Variants in SLC4A10 observed in about 807,000 individuals in gnomAD.
SLC4A10 encodes the protein solute carrier family 4 member 10.
A neutral mutation model predicts 137.7 loss-of-function variants in SLC4A10; 42 were observed. That is an observed-to-expected ratio of 0.30 (90% confidence interval 0.24 to 0.39). The LOEUF is 0.39. SLC4A10 is among the 10% of genes least tolerant of loss of function. SLC4A10 has a pLI of 1.00. For missense variants in SLC4A10, 925 were observed against 1,355.0 expected (o/e 0.68, Z 4.98); for synonymous variants, 474 against 464.1 (o/e 1.02, Z -0.27).
intron 3 of SLC4A10, 53 bp downstream of exon 3, chr2:161,804,648 T>G: frequency 6.7e-7 from 1 of 1,495,270 alleles, no homozygotes; most frequent in Non-Finnish European, 9.0e-7. Flanking sequence ...ATATACTTGC[T>G]TATACAATTA....
intron 15 of SLC4A10, among the ~76,000 whole-genome samples, chr2:161,939,326 C>G (rs1413660030): frequency 6.6e-6 from 1 of 152,116 alleles, no homozygotes; most frequent in African/African-American, 2.4e-5. Flanking sequence ...CTGCCTGCCT[C>G]TGCCTCCCAA....
intron 2 of SLC4A10, among the ~76,000 whole-genome samples, chr2:161,775,263 A>G (rs534790235): frequency 1.3e-5 from 2 of 152,026 alleles, no homozygotes; most frequent in East Asian, 3.9e-4. Flanking sequence ...ACATGGCCTC[A>G]GGAACATGGT....
At chr2:161,917,029 C>T (rs140534079) in intron 15 of SLC4A10, among the ~76,000 whole-genome samples, 34 of 152,226 alleles carry the variant, frequency 2.2e-4, no homozygotes, top group African/African-American at 7.9e-4. Flanking sequence ...CCTTGTGCTC[C>T]TTTGCAGTCA....
chr2:161,891,652 A>G (rs946406828), intron 10 of SLC4A10, among the ~76,000 whole-genome samples: 4 of 151,864 alleles, frequency 2.6e-5, no homozygotes, highest in African/African-American at 9.7e-5. Context: ...CCATCAGGTC[A>G]TTTATATTCT....
chr2:161,934,884 G>A (rs773090495), intron 15 of SLC4A10, among the ~76,000 whole-genome samples: 3 of 151,610 alleles, frequency 2.0e-5, no homozygotes, highest in Non-Finnish European at 4.4e-5. Flanking sequence ...CATTCCATAG[G>A]TTGTATATTC....
intron 1 of SLC4A10, among the ~76,000 whole-genome samples, chr2:161,638,379 A>C (rs747423431): frequency 7.9e-5 from 12 of 152,106 alleles, no homozygotes; most frequent in Non-Finnish European, 1.2e-4. Flanking sequence ...TCATTTATTG[A>C]CAAGGCTTTT....
chr2:161,838,536 A>G (rs2058966068), intron 3 of SLC4A10, among the ~76,000 whole-genome samples: 1 of 152,206 alleles, frequency 6.6e-6, no homozygotes, highest in Non-Finnish European at 1.5e-5. Context: ...ATATAAAGTC[A>G]AACTATAAAT....
intron 4 of SLC4A10, among the ~76,000 whole-genome samples, chr2:161,844,045 AT>A (rs1426727191): frequency 2.0e-5 from 3 of 152,188 alleles, no homozygotes; most frequent in African/African-American, 7.2e-5. Flanking sequence ...CTGCTTATAA[AT>A]AACATGTAAT....
At chr2:161,731,784 C>T (rs2046845356) in intron 1 of SLC4A10, among the ~76,000 whole-genome samples, 1 of 152,088 alleles carries the variant, frequency 6.6e-6, no homozygotes, top group African/African-American at 2.4e-5. Flanking sequence ...TTAAAATTTA[C>T]ATCTTATTTT....
intron 1 of SLC4A10, among the ~76,000 whole-genome samples, chr2:161,714,802 T>C (rs905228877): frequency 6.6e-6 from 1 of 151,934 alleles, no homozygotes; most frequent in Non-Finnish European, 1.5e-5. Context: ...ATCTGTGAAA[T>C]GAGGACACTA....
At chr2:161,928,309 G>A (rs961590817) in intron 15 of SLC4A10, among the ~76,000 whole-genome samples, 8 of 145,372 alleles carry the variant, frequency 5.5e-5, no homozygotes, top group East Asian at 4.1e-4. Flanking sequence ...ACTCATAGGC[G>A]GGAATTGAAC....
intron 15 of SLC4A10, among the ~76,000 whole-genome samples, chr2:161,920,943 A>T (rs554813725): frequency 4.8e-4 from 73 of 152,384 alleles, no homozygotes; most frequent in African/African-American, 1.7e-3. Flanking sequence ...AGTGATTATC[A>T]GACAGTGTCT....
intron 24 of SLC4A10, among the ~76,000 whole-genome samples, chr2:161,976,234 C>T (rs1699364006): frequency 6.6e-6 from 1 of 151,896 alleles, no homozygotes; most frequent in African/African-American, 2.4e-5. Flanking sequence ...GTACAATAAA[C>T]AAAATGGGGC....
chr2:161,771,419 G>A (rs1411021970), intron 2 of SLC4A10, among the ~76,000 whole-genome samples: 1 of 151,674 alleles, frequency 6.6e-6, no homozygotes, highest in African/African-American at 2.4e-5. Context: ...GAGGGGGAGG[G>A]GCATCTAACT....
At chr2:161,675,246 T>A (rs2040158907) in intron 1 of SLC4A10, among the ~76,000 whole-genome samples, 1 of 152,030 alleles carries the variant, frequency 6.6e-6, no homozygotes, top group African/African-American at 2.4e-5. Context: ...ACCTCATGAG[T>A]TTCCTGCCAC....
chr2:161,891,647 A>G (rs1436386482), intron 10 of SLC4A10, among the ~76,000 whole-genome samples: 1 of 151,938 alleles, frequency 6.6e-6, no homozygotes, highest in Non-Finnish European at 1.5e-5. Flanking sequence ...CAGCTCCATC[A>G]GGTCATTTAT....
intron 15 of SLC4A10, among the ~76,000 whole-genome samples, chr2:161,924,409 T>C (rs1688690277): frequency 6.6e-6 from 1 of 152,120 alleles, no homozygotes; most frequent in Admixed American, 6.6e-5. Context: ...CTGAGAACTG[T>C]CTGCTGAGAT....
chr2:161,818,064 C>G (rs1396404037), intron 3 of SLC4A10, among the ~76,000 whole-genome samples: 1 of 152,078 alleles, frequency 6.6e-6, no homozygotes, highest in African/African-American at 2.4e-5. Context: ...TATAAATTAC[C>G]TTGGGCAATA....
At chr2:161,819,588 T>C (rs201635164) in intron 3 of SLC4A10, among the ~76,000 whole-genome samples, 1 of 151,740 alleles carries the variant, frequency 6.6e-6, no homozygotes, top group African/African-American at 2.4e-5. Context: ...TCTGCCTCCC[T>C]GGTTCAAGCG....
Sources: allele counts gnomAD v4.1 joint callset (sites outside exome capture counted in the v4.1 genomes callset), GRCh38; gene constraint gnomAD v4.1.1; transcripts MANE v1.5; gene names NCBI Gene and HGNC (gene_info 2026-07-23, HGNC 2026-07-21).